Variants in DCC observed in about 807,000 individuals in gnomAD.
DCC encodes DCC netrin 1 receptor, also known as netrin receptor DCC.
A neutral mutation model predicts 172.5 loss-of-function variants in DCC; 58 were observed. The observed-to-expected ratio is 0.34, with a 90% confidence interval of 0.27 to 0.42. The LOEUF (loss-of-function observed/expected upper bound fraction) is 0.42, where lower values mean the gene tolerates loss of function less well. Among genes scored for constraint, DCC ranks in the 10% least tolerant of loss-of-function variants. The probability of loss-of-function intolerance (pLI) is 1.00; values close to 1 mark genes in which losing one functional copy is unlikely to be tolerated. For synonymous variants in DCC, 709 were observed against 644.5 expected (o/e 1.10, Z -1.52); for missense variants, 1,740 against 1,791.0 (o/e 0.97, Z 0.51).
chr18:52,698,764 ATTTTTTTTT>A (rs34646550), intron 1 of DCC, among the ~76,000 whole-genome samples: 1 of 134,182 alleles, frequency 7.5e-6, no homozygotes, highest in East Asian at 2.2e-4. Context: ...ACGCCTGGCT[ATTTTTTTTT>A]TTTTTTTTTG....
chr18:52,625,840 T>C (rs888923746), intron 1 of DCC, among the ~76,000 whole-genome samples: 7 of 152,196 alleles, frequency 4.6e-5, no homozygotes, highest in Non-Finnish European at 1.0e-4. Flanking sequence ...TCCTGCCTCA[T>C]GTCCAAACAT....
At chr18:52,891,352 A>C (rs987075956) in intron 2 of DCC, among the ~76,000 whole-genome samples, 1 of 152,096 alleles carries the variant, frequency 6.6e-6, no homozygotes, top group African/African-American at 2.4e-5. Context: ...CTATTACATT[A>C]GTTTTGTTAA....
chr18:52,928,680 G>A (rs1376937038), intron 5 of DCC, among the ~76,000 whole-genome samples: 1 of 152,166 alleles, frequency 6.6e-6, no homozygotes, highest in Non-Finnish European at 1.5e-5. Context: ...TCTGTGGGAA[G>A]TACGTAGGTC....
chr18:52,828,305 A>G (rs6508165), intron 2 of DCC, among the ~76,000 whole-genome samples: 149,290 of 152,240 alleles, frequency 0.98, 73,261 homozygotes, highest in Middle Eastern at 1. Context: ...GATTTGGCTT[A>G]TGGTTCCAGA....
At chr18:52,771,953 G>T (rs1054795302) in intron 2 of DCC, among the ~76,000 whole-genome samples, 2 of 151,630 alleles carry the variant, frequency 1.3e-5, no homozygotes, top group Non-Finnish European at 2.9e-5. Flanking sequence ...AGCTCCCCAG[G>T]TGATTCTAAT....
intron 12 of DCC, among the ~76,000 whole-genome samples, chr18:53,222,815 T>C (rs1225700129): frequency 6.6e-6 from 1 of 152,178 alleles, no homozygotes; most frequent in Non-Finnish European, 1.5e-5. Flanking sequence ...CCAATTGTTT[T>C]TTCTACAAAA....
At chr18:52,599,251 T>C (rs1055119286) in intron 1 of DCC, among the ~76,000 whole-genome samples, 1 of 152,106 alleles carries the variant, frequency 6.6e-6, no homozygotes, top group Non-Finnish European at 1.5e-5. Context: ...TTTAAGAATG[T>C]TGTGAGTGGT....
intron 1 of DCC, among the ~76,000 whole-genome samples, chr18:52,549,682 C>T (rs923433493): frequency 3.3e-5 from 5 of 152,028 alleles, no homozygotes; most frequent in Non-Finnish European, 5.9e-5. Flanking sequence ...GTAGCATCTC[C>T]TATTTTATCA....
chr18:53,323,790 C>T (rs1445481091), intron 14 of DCC, among the ~76,000 whole-genome samples: 2 of 151,852 alleles, frequency 1.3e-5, no homozygotes, highest in Non-Finnish European at 2.9e-5. Context: ...ATTAGGTATG[C>T]AAAAATACAT....
intron 7 of DCC, among the ~76,000 whole-genome samples, chr18:53,109,569 C>G (rs2043300261): frequency 6.8e-6 from 1 of 146,966 alleles, no homozygotes; most frequent in Non-Finnish European, 1.5e-5. Context: ...TCATTCCTTC[C>G]CTCCCTCCCT....
At position 52,956,354 on chromosome 18, in the gene DCC, A is replaced by G. The variant is rs542010351; in HGVS notation, c.985+30984A>G. ...TTTTATTGCCTTTGCTAATTTGTCA[A>G]TGATCAATTGACTACATTTATTAAC... On this transcript the variant is annotated intron_variant, in intron 5 of 28. Transcript: ENST00000442544. Among the ~76,000 whole-genome samples the G allele has an allele frequency of 3.1e-4, 47 of 152,148 alleles. 1 individual carries two copies. The highest frequency in any genetic ancestry group is 1.1e-3 in the African/African-American group (44 of 41,540).
chr18:52,404,488 A>G (rs1316666299), intron 1 of DCC, among the ~76,000 whole-genome samples: 1 of 152,022 alleles, frequency 6.6e-6, no homozygotes, highest in African/African-American at 2.4e-5. Context: ...TTGAGTTTAT[A>G]TTGCATAACT....
intron 1 of DCC, among the ~76,000 whole-genome samples, chr18:52,673,739 C>T (rs917258871): frequency 3.3e-5 from 5 of 152,294 alleles, no homozygotes; most frequent in Admixed American, 2.0e-4. Flanking sequence ...GATCACATCG[C>T]TAATGTTCTT....
At chr18:52,906,503 GTTCTTT>G (rs1167238881) in intron 3 of DCC, among the ~76,000 whole-genome samples, 175 bp downstream of exon 3, 1 of 124,040 alleles carries the variant, frequency 8.1e-6, no homozygotes, top group Non-Finnish European at 1.8e-5. Flanking sequence ...ACCAAAAGCT[GTTCTTT>G]TTTTTTTTTT....
chr18:52,978,484 A>G (rs1449491271), intron 5 of DCC, among the ~76,000 whole-genome samples: 1 of 152,110 alleles, frequency 6.6e-6, no homozygotes, highest in Non-Finnish European at 1.5e-5. Context: ...GTACCGAACA[A>G]TTTTCTAATT....
intron 25 of DCC, among the ~76,000 whole-genome samples, chr18:53,471,764 A>T (rs1321566862): frequency 6.6e-6 from 1 of 152,138 alleles, no homozygotes; most frequent in African/African-American, 2.4e-5. Context: ...TCAGGTCTCT[A>T]TTCAACTACC....
chr18:53,209,058 C>T (rs1269085565), intron 11 of DCC, among the ~76,000 whole-genome samples: 2 of 152,148 alleles, frequency 1.3e-5, no homozygotes, highest in African/African-American at 2.4e-5. Context: ...CGAAGCCTCC[C>T]GAGTAGCTGG....
chr18:52,660,107 G>A (rs143609832), intron 1 of DCC, among the ~76,000 whole-genome samples: 3 of 152,180 alleles, frequency 2.0e-5, no homozygotes, highest in Non-Finnish European at 4.4e-5. Context: ...TCACTTCAAT[G>A]TTCTTTCTAC....
At chr18:52,990,734 C>G (rs912360462) in intron 5 of DCC, among the ~76,000 whole-genome samples, 1 of 151,990 alleles carries the variant, frequency 6.6e-6, no homozygotes, top group African/African-American at 2.4e-5. Flanking sequence ...GGAAGAATAG[C>G]TTATTTGTGT....
Sources: gnomAD v4.1 joint callset for allele counts (sites outside exome capture counted in the v4.1 genomes callset) on GRCh38, gnomAD v4.1.1 for gene constraint, MANE v1.5 for transcripts, NCBI Gene and HGNC (gene_info 2026-07-23, HGNC 2026-07-21) for gene names.